Variants in STX3 observed in about 807,000 individuals in gnomAD.
STX3 encodes the protein syntaxin 3.
STX3 carries 19 observed loss-of-function variants against 40.2 expected under a neutral mutation model. The ratio of observed to expected loss-of-function variants is 0.47; its 90% CI spans 0.33 to 0.69. STX3 has a LOEUF of 0.69. STX3 is among the 30% of genes least tolerant of loss of function. The probability of loss-of-function intolerance (pLI) is 0.02; values close to 1 mark genes in which losing one functional copy is unlikely to be tolerated. For missense variants in STX3, 364 were observed against 366.7 expected, an observed-to-expected ratio of 0.99 and a Z score of 0.06; for synonymous variants, 122 against 132.2, an observed-to-expected ratio of 0.92 and a Z score of 0.53.
At chr11:59,769,792 C>G (rs144137736) in intron 1 of STX3, among the ~76,000 whole-genome samples, 1 of 151,896 alleles carries the variant, frequency 6.6e-6, no homozygotes, top group Non-Finnish European at 1.5e-5. Flanking sequence ...TTCCTTAACA[C>G]GTGTTTGAAG....
At chr11:59,758,692 C>T (rs1287009307) in intron 1 of STX3, among the ~76,000 whole-genome samples, 2 of 152,200 alleles carry the variant, frequency 1.3e-5, no homozygotes, top group African/African-American at 4.8e-5. Context: ...GACAGGCTTG[C>T]CAAGAATGTG....
intron 9 of STX3, among the ~76,000 whole-genome samples, chr11:59,797,082 G>T (rs562365746): frequency 2.0e-5 from 3 of 152,174 alleles, no homozygotes; most frequent in Non-Finnish European, 4.4e-5. Context: ...CTGCACTCTA[G>T]CCTGAGTGAT....
intron 10 of STX3, 127 bp downstream of exon 10, chr11:59,797,523 T>C (rs1328774530): frequency 4.5e-6 from 3 of 669,868 alleles, no homozygotes; most frequent in East Asian, 2.7e-5. Context: ...TCTAAAACTT[T>C]CAGTAGCCTG....
Position 59,803,145 on chromosome 11 carries a change from C to T in STX3, c.*2321C>T, listed in dbSNP as rs765016884. Reference sequence around the variant, plus strand: ...ACACCCTCTTCCATGTCCACATGCACTTATCTCCCTGCAGAATACTTTTTG... The same window carrying T: ...ACACCCTCTTCCATGTCCACATGCATTTATCTCCCTGCAGAATACTTTTTG... On this transcript the variant is annotated 3_prime_UTR_variant, in exon 11 of 11. Coordinates refer to ENST00000337979, the MANE Select transcript of STX3 (RefSeq NM_004177.5). 151 of 1,230,780 alleles carry T rather than the reference C, an allele frequency of 1.2e-4. No homozygotes were observed. The highest frequency in any genetic ancestry group is 1.3e-4 in the Non-Finnish European group (132 of 987,500). 76.2% of individuals were successfully genotyped at this position (1,230,780 alleles called of 1,614,324 possible). A position where few individuals can be genotyped will look rare whatever the true frequency, so the allele number is the denominator to read the frequency against.
At chr11:59,764,013 C>T (rs551585725) in intron 1 of STX3, among the ~76,000 whole-genome samples, 5 of 148,626 alleles carry the variant, frequency 3.4e-5, no homozygotes, top group East Asian at 3.9e-4. Context: ...AGCGAAACTC[C>T]GTCTCAAAAA....
chr11:59,762,634 C>T (rs1392555679), intron 1 of STX3, among the ~76,000 whole-genome samples: 1 of 152,146 alleles, frequency 6.6e-6, no homozygotes, highest in African/African-American at 2.4e-5. Context: ...GTATTAGTTC[C>T]TTTCTTCCTC....
At chr11:59,759,791 T>C (rs1421606921) in intron 1 of STX3, among the ~76,000 whole-genome samples, 1 of 152,218 alleles carries the variant, frequency 6.6e-6, no homozygotes, top group Admixed American at 6.5e-5. Flanking sequence ...CCAGGATCTT[T>C]GTGGAATCAT....
rs760711579 is a variant in STX3, at chr11:59,797,284, A to G, written c.788A>G (p.Lys263Arg). The change falls in exon 10 of 11, where the codon AAA becomes AGA. Residue 263 changes from lysine to arginine, a missense_variant and splice_region_variant. Transcript: ENST00000337979. ...AVKYQSQARKKLIIIIVLVVV... is the reference protein window; with the variant it reads ...AVKYQSQARKRLIIIIVLVVV... ...TTTTTGTCTTATTCCTCTCTCCAGA[A>G]ATTGATAATTATCATTGTGCTAGTA... 6.2e-7 allele frequency: 1 copy of G among 1,612,354 alleles called. No individual in the cohort carries two copies. Among genetic ancestry groups the G allele is most frequent in the South Asian group, 1.1e-5 (1 of 90,984 alleles).
Position 59,755,575 on chromosome 11 carries a change from G to C in STX3, c.-31G>C, listed in dbSNP as rs1468751683. The C allele has an allele frequency of 6.3e-7, 1 of 1,592,536 alleles. No homozygotes were observed. Among genetic ancestry groups the C allele is most frequent in the Admixed American group, 1.7e-5 (1 of 59,698 alleles). Reference sequence around the variant, plus strand: ...CCTGGGACGCGCTCACCTGGGACGCGCTACCTGCCTCCGGGCGCCTGGGCT... The same window carrying C: ...CCTGGGACGCGCTCACCTGGGACGCCCTACCTGCCTCCGGGCGCCTGGGCT... On this transcript the variant is annotated 5_prime_UTR_variant, in exon 1 of 11. Coordinates refer to ENST00000337979, the MANE Select transcript of STX3 (RefSeq NM_004177.5).
At chr11:59,765,909 T>C (rs1378927652) in intron 1 of STX3, among the ~76,000 whole-genome samples, 6 of 152,210 alleles carry the variant, frequency 3.9e-5, no homozygotes, top group Non-Finnish European at 8.8e-5. Context: ...AGCATCTGTG[T>C]CTCCAGAGAA....
intron 1 of STX3, among the ~76,000 whole-genome samples, chr11:59,767,091 C>G (rs970101025): frequency 6.6e-6 from 1 of 152,132 alleles, no homozygotes; most frequent in African/African-American, 2.4e-5. Context: ...AGTTCAGTTG[C>G]TTGAGGTTGC....
rs113725300 is a variant in STX3 at position 59,794,075 on chromosome 11, AT to A, written c.675+568del. Among the ~76,000 whole-genome samples, 773 of 150,856 alleles carry A rather than the reference AT, an allele frequency of 5.1e-3. 5 individuals carry two copies. Among genetic ancestry groups the A allele is most frequent in the African/African-American group, 7.4e-3 (302 of 41,080 alleles). ...AGACTCAGGTTTAACATAAATTTTT[AT>A]TTTTTTCCATTTTTTTTCTGTTTGT... On this transcript the variant is annotated intron_variant, in intron 8 of 10. Coordinates refer to ENST00000337979, the MANE Select transcript of STX3 (RefSeq NM_004177.5).
At chr11:59,779,114 A>G (rs943659486) in intron 2 of STX3, among the ~76,000 whole-genome samples, 8 of 152,180 alleles carry the variant, frequency 5.3e-5, no homozygotes, top group African/African-American at 1.9e-4. Flanking sequence ...TTGGGATTAT[A>G]GGTGTGAGGC....
rs777963537 is a variant in STX3, at chr11:59,793,360, C to T, written c.541-20C>T. On this transcript the variant is annotated intron_variant, in intron 7 of 10. Coordinates refer to ENST00000337979, the MANE Select transcript of STX3 (RefSeq NM_004177.5). ...CTTTCTTGCAGGGGTAGCTAACAGT[C>T]TGTGTGTGGCCTGTTGTAGATCATT... 1.9e-6 allele frequency: 3 copies of T among 1,609,564 alleles called. No homozygotes were observed. The highest frequency in any genetic ancestry group is 2.5e-6 in the Non-Finnish European group (3 of 1,176,580).
chr11:59,755,970 C>A (rs773880703), intron 1 of STX3, among the ~76,000 whole-genome samples: 1 of 152,240 alleles, frequency 6.6e-6, no homozygotes, highest in Non-Finnish European at 1.5e-5. Context: ...TGCTGCCTGG[C>A]ACTATGCCCA....
At chr11:59,797,159 G>A in intron 9 of STX3, 124 bp from the exon 10 acceptor site, 2 of 675,652 alleles carry the variant, frequency 3.0e-6, no homozygotes, top group Non-Finnish European at 5.2e-6. Flanking sequence ...AGAGATGTAG[G>A]CCTCTTACTC....
intron 4 of STX3, among the ~76,000 whole-genome samples, chr11:59,789,410 C>T (rs1864977878): frequency 6.6e-6 from 1 of 150,726 alleles, no homozygotes; most frequent in African/African-American, 2.4e-5. Context: ...CAACTTTTCT[C>T]TTATTGGTCT....
At chr11:59,789,021 G>T in intron 4 of STX3, 74 bp downstream of exon 4, 3 of 1,336,710 alleles carry the variant, frequency 2.2e-6, no homozygotes, top group African/African-American at 1.5e-5. Flanking sequence ...CCAGCTTTCC[G>T]AACTGAAACT....
At chr11:59,770,191 G>A (rs1863523556) in intron 1 of STX3, among the ~76,000 whole-genome samples, 1 of 149,978 alleles carries the variant, frequency 6.7e-6, no homozygotes, top group South Asian at 2.1e-4. Flanking sequence ...TGCTGTATGT[G>A]TATGAAAGGT....
Sources: gnomAD v4.1 joint callset for allele counts (sites outside exome capture counted in the v4.1 genomes callset) on GRCh38, gnomAD v4.1.1 for gene constraint, MANE v1.5 for transcripts, NCBI Gene and HGNC (gene_info 2026-07-23, HGNC 2026-07-21) for gene names.